COL17A1: variants seen among roughly 807,000 people sequenced by gnomAD.
COL17A1 encodes the protein collagen alpha-1(XVII) chain.
In COL17A1, 181 loss-of-function variants were observed where a neutral mutation model predicts 218.4. The ratio of observed to expected loss-of-function variants is 0.83; its 90% CI spans 0.73 to 0.94. COL17A1 has a LOEUF of 0.94. COL17A1 is among the 40% of genes least tolerant of loss of function. The pLI is 0.00. For missense variants in COL17A1, 1,924 were observed against 1,945.9 expected (o/e 0.99, Z 0.21); for synonymous variants, 721 against 731.0 (o/e 0.99, Z 0.22).
intron 22 of COL17A1, among the ~76,000 whole-genome samples, chr10:104,053,679 C>T (rs1003880451): frequency 6.6e-6 from 1 of 152,096 alleles, no homozygotes; most frequent in East Asian, 1.9e-4. Context: ...TCCCTCCAGG[C>T]TCTCCTTTCC....
chr10:104,074,722 T>C (rs1367539773), intron 5 of COL17A1, among the ~76,000 whole-genome samples: 1 of 152,218 alleles, frequency 6.6e-6, no homozygotes, highest in Non-Finnish European at 1.5e-5. Flanking sequence ...CACCTGGATT[T>C]GGGGCTTCCC....
chr10:104,046,473 T>C (rs1467004536), intron 32 of COL17A1, among the ~76,000 whole-genome samples: 1 of 151,868 alleles, frequency 6.6e-6, no homozygotes, highest in East Asian at 1.9e-4. Flanking sequence ...GAGCTTGGGG[T>C]TCCTCTCAGA....
intron 47 of COL17A1, 141 bp from the exon 48 acceptor site, chr10:104,036,773 T>TGAA: frequency 1.9e-6 from 2 of 1,075,630 alleles, no homozygotes; most frequent in Non-Finnish European, 2.7e-6. Flanking sequence ...ACCACGGTGT[T>TGAA]CAGGGGGGAC....
chr10:104,040,756 C>T lies in COL17A1; in HGVS notation c.2701+309G>A, dbSNP rs10883962. On this transcript the variant is annotated intron_variant, in intron 39 of 55. Coordinates refer to ENST00000648076, the MANE Select transcript of COL17A1 (RefSeq NM_000494.4). ...TTGTACGGTCGGCACTTACTTCACG[C>T]GCATGTATCCTGCCTACTTTATCAG... Among the ~76,000 whole-genome samples the T allele has an allele frequency of 0.78, 117,964 of 152,056 alleles. 46,193 individuals carry two copies. Among genetic ancestry groups the T allele is most frequent in the East Asian group, 0.84 (4,329 of 5,168 alleles).
intron 20 of COL17A1, among the ~76,000 whole-genome samples, chr10:104,054,329 A>G (rs1391436709): frequency 6.6e-6 from 1 of 152,224 alleles, no homozygotes; most frequent in African/African-American, 2.4e-5. Flanking sequence ...GTGAAAAATT[A>G]TTTGTTGTTT....
intron 15 of COL17A1, chr10:104,059,342 C>T: frequency 4.5e-6 from 2 of 448,856 alleles, no homozygotes; most frequent in Non-Finnish European, 8.2e-6. Flanking sequence ...TCTATTAGTT[C>T]TGAAGATTAT....
intron 39 of COL17A1, among the ~76,000 whole-genome samples, 185 bp from the exon 40 acceptor site, chr10:104,040,595 TG>T (rs1420041772): frequency 7.0e-6 from 1 of 143,406 alleles, no homozygotes; most frequent in Non-Finnish European, 1.6e-5. Context: ...GATGGATGGA[TG>T]GATAGGTGGA....
In COL17A1 at chr10:104,061,608, A is replaced by G. The variant is rs550663443; in HGVS notation, c.911-135T>C. 84 of 733,074 alleles carry G rather than the reference A, an allele frequency of 1.1e-4. No individual in the cohort carries two copies. In the African/African-American group the frequency reaches 1.3e-3, roughly 11 times the overall value. 45.4% of individuals were successfully genotyped at this position (733,074 alleles called of 1,614,324 possible). A position where few individuals can be genotyped will look rare whatever the true frequency, so the allele number is the denominator to read the frequency against. On this transcript the variant is annotated intron_variant, in intron 12 of 55. Transcript: ENST00000648076. ...GATGATGAATCAACTCTCTCCAGCCATGGGGACAGTAATGAGGGTTTAGAT... is the reference window on the plus strand; with the variant it reads ...GATGATGAATCAACTCTCTCCAGCCGTGGGGACAGTAATGAGGGTTTAGAT...
At chr10:104,081,916 A>AT (rs1484489877) in intron 1 of COL17A1, among the ~76,000 whole-genome samples, 1 of 152,232 alleles carries the variant, frequency 6.6e-6, no homozygotes, top group African/African-American at 2.4e-5. Flanking sequence ...GTAAAATAGA[A>AT]TTTTAAAAAG....
intron 40 of COL17A1, 48 bp downstream of exon 40, chr10:104,040,303 A>T (rs774621240): frequency 1.5e-5 from 20 of 1,337,326 alleles, no homozygotes; most frequent in Non-Finnish European, 2.0e-5. Context: ...CAGCAGGTAA[A>T]CAGAGGACAC....
chr10:104,067,798 GAGTGTA>G (rs1362782996), intron 9 of COL17A1, among the ~76,000 whole-genome samples: 5 of 152,058 alleles, frequency 3.3e-5, no homozygotes, highest in Non-Finnish European at 2.9e-5. Flanking sequence ...AGAAGAAACT[GAGTGTA>G]AGGGAAAGAG....
At chr10:104,071,646 C>T (rs1313337066) in intron 8 of COL17A1, among the ~76,000 whole-genome samples, 1 of 152,088 alleles carries the variant, frequency 6.6e-6, no homozygotes, top group Admixed American at 6.5e-5. Flanking sequence ...TCCCTTTGAG[C>T]CGAACTGATC....
chr10:104,085,360 G>A (rs919170242), intron 1 of COL17A1, among the ~76,000 whole-genome samples: 3 of 152,172 alleles, frequency 2.0e-5, no homozygotes, highest in Admixed American at 6.5e-5. Flanking sequence ...GCAAGATAGC[G>A]AGAGAGGAAA....
At chr10:104,046,608 G>A (rs1281640201) in intron 32 of COL17A1, 139 bp downstream of exon 32, 2 of 795,688 alleles carry the variant, frequency 2.5e-6, no homozygotes, top group Non-Finnish European at 4.4e-6. Flanking sequence ...TGCTTCTCAC[G>A]ACTCATAGTG....
chr10:104,039,352 G>T, intron 43 of COL17A1, 93 bp downstream of exon 43: 1 of 1,373,650 alleles, frequency 7.3e-7, no homozygotes, highest in Non-Finnish European at 1.0e-6. Flanking sequence ...ACTTTACACT[G>T]ATGAGTACTT....
chr10:104,036,547 G>A lies in COL17A1; in HGVS notation c.3363C>T (p.Ser1121=), dbSNP rs777012194. 6.2e-7 allele frequency: 1 copy of A among 1,613,960 alleles called. No homozygotes were observed. Among genetic ancestry groups the A allele is most frequent in the East Asian group, 2.2e-5 (1 of 44,878 alleles). ...GCTCTGCATAGTCCAAAGACAGGAG[G>A]GACCCATCTCCACTGGCTCCTGGTG... ...PGPPGASGDG[S]LLSLDYAELS... is the part of the protein sequence containing the mutation. Residue 1121 remains serine (S), a synonymous_variant, in exon 48 of 56, where the codon TCC becomes TCT. Transcript: ENST00000648076.
At chr10:104,064,859 T>A (rs894359234) in intron 9 of COL17A1, among the ~76,000 whole-genome samples, 2 of 152,192 alleles carry the variant, frequency 1.3e-5, no homozygotes, top group East Asian at 3.9e-4. Flanking sequence ...GTCCAACAAT[T>A]TCTCCTTCTA....
chr10:104,054,814 C>T (rs1329646993), intron 20 of COL17A1, among the ~76,000 whole-genome samples, 167 bp downstream of exon 20: 1 of 152,160 alleles, frequency 6.6e-6, no homozygotes, highest in African/African-American at 2.4e-5. Context: ...TGCTCTGTGT[C>T]CAGCCAAAGG....
In COL17A1 at chr10:104,038,467, AGGCCCAGGG is replaced by A. The variant is rs753169679; in HGVS notation, c.3000_3008del (p.Pro1003_Gly1005del). 394 of 1,613,974 alleles carry A rather than the reference AGGCCCAGGG, an allele frequency of 2.4e-4. 1 individual carries two copies. The highest frequency in any genetic ancestry group is 1.0e-3 in the East Asian group (47 of 44,864). ...GGCCAGAGCTGCTGATAGAGCCCGGAGGCCCAGGGGGCCCAGGGGGCCCTGGCGGGCCTG... is the reference window on the plus strand; with the variant it reads ...GGCCAGAGCTGCTGATAGAGCCCGGAGGCCCAGGGGGCCCTGGCGGGCCTG... On this transcript the variant is annotated inframe_deletion, in exon 45 of 56. Transcript: ENST00000648076.
Sources: gnomAD v4.1 joint callset for allele counts (sites outside exome capture counted in the v4.1 genomes callset) on GRCh38, gnomAD v4.1.1 for gene constraint, MANE v1.5 for transcripts, NCBI Gene and HGNC (gene_info 2026-07-23, HGNC 2026-07-21) for gene names.